SAMD12: variants seen among roughly 807,000 people sequenced by gnomAD.
The protein encoded by SAMD12 is sterile alpha motif domain-containing protein 12.
A neutral mutation model predicts 15.0 loss-of-function variants in SAMD12; 9 were observed. That is an observed-to-expected ratio of 0.60 (90% CI 0.36 to 1.05). The LOEUF is 1.05. SAMD12 is among the 50% of genes least tolerant of loss of function. The pLI, the probability that SAMD12 is intolerant of heterozygous loss-of-function variation, is 0.01. For synonymous variants in SAMD12, 86 were observed against 90.1 expected, an observed-to-expected ratio of 0.96 and a Z score of 0.25; for missense variants, 230 against 234.2, an observed-to-expected ratio of 0.98 and a Z score of 0.12.
At chr8:118,182,875 A>G in the SAMD12 span, among the ~76,000 whole-genome samples, 1 of 152,368 alleles carries the variant, frequency 6.6e-6, no homozygotes, top group Non-Finnish European at 1.5e-5. Flanking sequence ...CTTTTCACCA[A>G]AGGGAATAGG....
chr8:118,481,511 T>G (rs1358985828), intron 2 of SAMD12, among the ~76,000 whole-genome samples: 2 of 152,062 alleles, frequency 1.3e-5, no homozygotes, highest in Admixed American at 1.3e-4. Flanking sequence ...AAAGGAAGAC[T>G]AAGAAAGAAC....
intron 2 of SAMD12, among the ~76,000 whole-genome samples, chr8:118,485,349 A>C (rs910509579): frequency 1.2e-4 from 18 of 152,200 alleles, no homozygotes; most frequent in Non-Finnish European, 2.2e-4. Context: ...CAAATGACAA[A>C]GGTGGAAGAG....
At chr8:118,181,319 A>G in the SAMD12 span, among the ~76,000 whole-genome samples, 1 of 152,194 alleles carries the variant, frequency 6.6e-6, no homozygotes. Context: ...TCATCTATAA[A>G]GTGGAGGTCA....
intron 2 of SAMD12, among the ~76,000 whole-genome samples, chr8:118,495,644 G>A (rs1045200053): frequency 6.6e-6 from 1 of 151,210 alleles, no homozygotes; most frequent in Non-Finnish European, 1.5e-5. Flanking sequence ...TGAACTCCAC[G>A]GTTACTGACT....
intron 4 of SAMD12, among the ~76,000 whole-genome samples, chr8:118,274,106 T>C (rs752532088): frequency 1.3e-5 from 2 of 152,224 alleles, no homozygotes; most frequent in Non-Finnish European, 2.9e-5. Context: ...TTCTGCTTTA[T>C]AGACAAGGAA....
chr8:118,458,932 TAA>T (rs1823334671), intron 2 of SAMD12, among the ~76,000 whole-genome samples: 1 of 144,882 alleles, frequency 6.9e-6, no homozygotes, highest in African/African-American at 2.6e-5. Flanking sequence ...AAGCAAATAG[TAA>T]AGTCTTCAGC....
intron 4 of SAMD12, among the ~76,000 whole-genome samples, chr8:118,247,355 T>C (rs927742257): frequency 5.3e-5 from 8 of 152,064 alleles, no homozygotes; most frequent in African/African-American, 9.7e-5. Flanking sequence ...TTATACAGCA[T>C]AGTGACTATA....
In SAMD12 at chr8:118,272,378, A is replaced by G. The variant is rs112548433; in HGVS notation, c.434-74646T>C. On this transcript the variant is annotated intron_variant, in intron 4 of 4. Transcript: ENST00000409003. ...GGCCTTGAGCCTAGCCTACCAAACC[A>G]TGTGTCCTTCCTATGCCTCTGGGCC... Among the ~76,000 whole-genome samples, 205 of 152,144 alleles carry G rather than the reference A, an allele frequency of 1.3e-3. 1 individual carries two copies. The highest frequency in any genetic ancestry group is 3.9e-3 in the African/African-American group (161 of 41,534).
rs1819833429 is a variant in SAMD12 at position 118,205,395 on chromosome 8, G to T, written c.434-7663C>A. Among the ~76,000 whole-genome samples the T allele has an allele frequency of 2.0e-5, 3 of 152,360 alleles. No homozygotes were observed. The South Asian group carries it at 6.2e-4, about 32-fold the overall frequency. ...ATCATTCACCAAGTACTTCCTAGGT[G>T]CTTAGCATCAGGCTAAGAACCTGTG... On this transcript the variant is annotated intron_variant, in intron 4 of 4. Coordinates refer to the SAMD12 transcript ENST00000409003.
intron 4 of SAMD12, among the ~76,000 whole-genome samples, chr8:118,352,700 C>A (rs183138593): frequency 1.3e-5 from 2 of 152,274 alleles, no homozygotes; most frequent in East Asian, 3.9e-4. Flanking sequence ...AATCAGGCCA[C>A]TCTCCAGTAC....
At chr8:118,452,192 A>C (rs772763053) in intron 2 of SAMD12, among the ~76,000 whole-genome samples, 1 of 152,118 alleles carries the variant, frequency 6.6e-6, no homozygotes, top group Non-Finnish European at 1.5e-5. Context: ...CAGACATTTG[A>C]ACTGGGAGAA....
At chr8:118,418,826 A>C (rs545701071) in intron 3 of SAMD12, among the ~76,000 whole-genome samples, 1 of 152,330 alleles carries the variant, frequency 6.6e-6, no homozygotes, top group South Asian at 2.1e-4. Context: ...CATCCAATAC[A>C]TGATCAAAGA....
intron 2 of SAMD12, among the ~76,000 whole-genome samples, chr8:118,542,909 C>T (rs146224927): frequency 2.0e-5 from 3 of 151,984 alleles, no homozygotes; most frequent in Non-Finnish European, 2.9e-5. Flanking sequence ...CAGCTAAATT[C>T]CCAAGCATCT....
the SAMD12 span, among the ~76,000 whole-genome samples, chr8:118,152,458 ACCTTCCTT>A: frequency 6.1e-5 from 7 of 114,312 alleles, no homozygotes; most frequent in South Asian, 6.8e-4. Flanking sequence ...CTCCCTCCCT[ACCTTCCTT>A]CCTTCCTTCC....
At chr8:118,282,967 T>C (rs1251412261) in intron 4 of SAMD12, among the ~76,000 whole-genome samples, 1 of 152,106 alleles carries the variant, frequency 6.6e-6, no homozygotes, top group Non-Finnish European at 1.5e-5. Flanking sequence ...TACAATTGCT[T>C]TCATGGATTA....
rs1386192065 is a variant in SAMD12, at chr8:118,218,490, C to T, written c.434-20758G>A. On this transcript the variant is annotated intron_variant, in intron 4 of 4. Coordinates refer to the SAMD12 transcript ENST00000409003. Reference sequence around the variant, plus strand: ...AACAGATTTCAAAAACTTATTCCTCCTAACTTTATATCCTTTGACCAACAT... The same window carrying T: ...AACAGATTTCAAAAACTTATTCCTCTTAACTTTATATCCTTTGACCAACAT... Among the ~76,000 whole-genome samples the T allele has an allele frequency of 2.6e-5, 4 of 152,092 alleles. No homozygotes were observed. In the East Asian group the frequency reaches 5.8e-4, roughly 22 times the overall value.
intron 3 of SAMD12, among the ~76,000 whole-genome samples, chr8:118,382,761 A>G (rs1819739617): frequency 6.6e-6 from 1 of 152,128 alleles, no homozygotes. Context: ...CCCACTCTAT[A>G]TTCAGTTGCG....
At chr8:118,364,971 C>T (rs1818695298) in intron 4 of SAMD12, among the ~76,000 whole-genome samples, 1 of 152,136 alleles carries the variant, frequency 6.6e-6, no homozygotes, top group African/African-American at 2.4e-5. Flanking sequence ...CCTGTCTTTG[C>T]TTTTCCAGTG....
chr8:118,255,152 G>A (rs1293244629), intron 4 of SAMD12, among the ~76,000 whole-genome samples: 1 of 151,830 alleles, frequency 6.6e-6, no homozygotes. Flanking sequence ...CAGAAGGAGG[G>A]AAAAATCAAA....
Sources: gnomAD v4.1 joint callset for allele counts (sites outside exome capture counted in the v4.1 genomes callset) on GRCh38, gnomAD v4.1.1 for gene constraint, MANE v1.5 for transcripts, NCBI Gene and HGNC (gene_info 2026-07-23, HGNC 2026-07-21) for gene names.